Variants in GCLC observed in about 807,000 individuals in gnomAD.
The protein encoded by GCLC is glutamate-cysteine ligase catalytic subunit.
GCLC carries 30 observed loss-of-function variants against 81.5 expected under a neutral mutation model. The observed-to-expected ratio is 0.37, with a 90% CI of 0.28 to 0.50. The LOEUF (loss-of-function observed/expected upper bound fraction) is 0.50, where lower values mean the gene tolerates loss of function less well. Ranked by LOEUF, GCLC falls within the 20% of genes least tolerant of loss-of-function variation. The probability of loss-of-function intolerance (pLI) is 0.96; values close to 1 mark genes in which losing one functional copy is unlikely to be tolerated. For missense variants in GCLC, 556 were observed against 777.4 expected (o/e 0.72, Z 3.39); for synonymous variants, 262 against 273.3 (o/e 0.96, Z 0.41).
chr6:53,535,096 C>A (rs115533086), intron 1 of GCLC, among the ~76,000 whole-genome samples: 1 of 152,282 alleles, frequency 6.6e-6, no homozygotes, highest in African/African-American at 2.4e-5. Context: ...AAAGAGTATG[C>A]CATTAGCCAG....
intron 1 of GCLC, chr6:53,522,761 T>C: frequency 2.3e-6 from 1 of 432,404 alleles, no homozygotes; most frequent in Non-Finnish European, 4.3e-6. Context: ...TCCTACTTAA[T>C]ATCCTATGGA....
chr6:53,525,749 C>G (rs1471066273), intron 1 of GCLC, among the ~76,000 whole-genome samples: 1 of 152,108 alleles, frequency 6.6e-6, no homozygotes, highest in Non-Finnish European at 1.5e-5. Context: ...TAAACTTGTG[C>G]AATTAACATA....
intron 2 of GCLC, 86 bp downstream of exon 2, chr6:53,522,329 T>C: frequency 3.6e-6 from 3 of 823,834 alleles, no homozygotes; most frequent in Admixed American, 3.5e-5. Context: ...TGTTAGGCTA[T>C]CCTGCCTCCA....
intron 1 of GCLC, among the ~76,000 whole-genome samples, chr6:53,526,810 A>AC (rs112281417): frequency 3.3e-5 from 5 of 150,504 alleles, no homozygotes; most frequent in African/African-American, 1.2e-4. Context: ...AAAAAAAAAA[A>AC]AAAAAAACAA....
intron 1 of GCLC, among the ~76,000 whole-genome samples, chr6:53,541,024 G>A (rs1763344831): frequency 6.6e-6 from 1 of 152,158 alleles, no homozygotes; most frequent in Non-Finnish European, 1.5e-5. Flanking sequence ...AGACCAGCCT[G>A]GCCAACATGG....
At chr6:53,518,742 A>C (rs552774427) in intron 3 of GCLC, among the ~76,000 whole-genome samples, 81 of 152,256 alleles carry the variant, frequency 5.3e-4, no homozygotes, top group African/African-American at 1.9e-3. Context: ...CCACTTTCTT[A>C]ATTTGCTAAG....
chr6:53,517,989 C>T (rs1370518458), intron 3 of GCLC, among the ~76,000 whole-genome samples: 2 of 152,172 alleles, frequency 1.3e-5, no homozygotes, highest in African/African-American at 4.8e-5. Flanking sequence ...CCTGTTTACA[C>T]TTAAGAACCA....
chr6:53,515,805 A>G (rs1764859850), intron 4 of GCLC, among the ~76,000 whole-genome samples: 1 of 152,130 alleles, frequency 6.6e-6, no homozygotes, highest in East Asian at 1.9e-4. Context: ...CCCAGTAGGC[A>G]TTTACAGACC....
Position 53,497,502 on chromosome 6 carries a change from G to C in GCLC, c.*1254C>G, listed in dbSNP as rs1764392813. On this transcript the variant is annotated 3_prime_UTR_variant, in exon 16 of 16. Transcript: ENST00000650454. ...TGTATAAAATATAGAACAAACCCTA[G>C]TATTTAAACATAAACAGGGTTAGCT... 6.6e-6 allele frequency: 1 copy of C among 152,304 alleles called. No homozygotes were observed. Among genetic ancestry groups the C allele is most frequent in the Non-Finnish European group, 1.5e-5 (1 of 68,004 alleles). The allele number at this position is 152,304 out of a possible 1,614,324, so 9.4% of individuals were successfully genotyped here. A position where few individuals can be genotyped will look rare whatever the true frequency, so the allele number is the denominator to read the frequency against.
At chr6:53,527,958 G>T (rs1039846984) in intron 1 of GCLC, among the ~76,000 whole-genome samples, 3 of 152,146 alleles carry the variant, frequency 2.0e-5, no homozygotes, top group African/African-American at 7.2e-5. Context: ...TCACCCTCTA[G>T]GTTATAAACT....
intron 1 of GCLC, among the ~76,000 whole-genome samples, chr6:53,541,246 G>C (rs1763349179): frequency 6.6e-6 from 1 of 152,064 alleles, no homozygotes; most frequent in Admixed American, 6.5e-5. Flanking sequence ...ATGTAGAGAG[G>C]TACCACAATG....
rs374034368 is a variant in GCLC at position 53,507,464 on chromosome 6, T to C, written c.1084+16A>G. ...AGGCGTACATTCAAACCCAGAAAGATGGAGTAGAAACCCACCTTCCTGCAA... is the reference window on the plus strand; with the variant it reads ...AGGCGTACATTCAAACCCAGAAAGACGGAGTAGAAACCCACCTTCCTGCAA... On this transcript the variant is annotated intron_variant, in intron 9 of 15. Transcript: ENST00000650454. 1 of 1,612,474 alleles carries C rather than the reference T, an allele frequency of 6.2e-7. No homozygotes were observed. The highest frequency in any genetic ancestry group is 1.3e-5 in the African/African-American group (1 of 74,910).
chr6:53,525,452 A>C (rs1763064059), intron 1 of GCLC, among the ~76,000 whole-genome samples: 1 of 152,220 alleles, frequency 6.6e-6, no homozygotes, highest in Admixed American at 6.5e-5. Flanking sequence ...GCCCCAATAA[A>C]TTATTTTATG....
At chr6:53,520,372 G>A (rs1016221523) in intron 3 of GCLC, among the ~76,000 whole-genome samples, 1 of 152,226 alleles carries the variant, frequency 6.6e-6, no homozygotes, top group African/African-American at 2.4e-5. Context: ...GCTGCTTTTT[G>A]AAAGTGCATG....
intron 3 of GCLC, among the ~76,000 whole-genome samples, chr6:53,519,396 C>G (rs1431277368): frequency 1.3e-5 from 2 of 152,096 alleles, no homozygotes; most frequent in African/African-American, 4.8e-5. Context: ...TTTCACTCCT[C>G]CTGGAACCTT....
In GCLC at chr6:53,544,764, T is replaced by C. The variant is rs1763421374; in HGVS notation, c.-119A>G. Reference sequence around the variant, plus strand: ...CTGCCGCTCCACCCCGCGGGGGCGCTCTCGGGCCGCAGTCGGCGGAGGGAG... The same window carrying C: ...CTGCCGCTCCACCCCGCGGGGGCGCCCTCGGGCCGCAGTCGGCGGAGGGAG... On this transcript the variant is annotated 5_prime_UTR_variant, in exon 1 of 16. Transcript: ENST00000650454. 1 of 1,011,334 alleles carries C rather than the reference T, an allele frequency of 9.9e-7. No homozygotes were observed. The highest frequency in any genetic ancestry group is 1.4e-6 in the Non-Finnish European group (1 of 726,324). The allele number at this position is 1,011,334 out of a possible 1,614,324, so 62.6% of individuals were successfully genotyped here. A position where few individuals can be genotyped will look rare whatever the true frequency, so the allele number is the denominator to read the frequency against.
intron 1 of GCLC, among the ~76,000 whole-genome samples, chr6:53,532,938 CATCA>C (rs1387667103): frequency 6.6e-6 from 1 of 152,170 alleles, no homozygotes; most frequent in Non-Finnish European, 1.5e-5. Flanking sequence ...AGAGATCATC[CATCA>C]GAGTAGAACC....
In GCLC at chr6:53,544,825, T is replaced by A. The variant is rs535139778; in HGVS notation, c.-180A>T. On this transcript the variant is annotated 5_prime_UTR_variant, in exon 1 of 16. Coordinates refer to ENST00000650454, the MANE Select transcript of GCLC (RefSeq NM_001498.4). The stretch of plus-strand genomic sequence containing the variant: ...GCTCCGGCTCCCCGGCGGCGGCCCC[T>A]GGCGCCCAGGTGACAGACCCTGGGT... The A allele has an allele frequency of 2.0e-6, 1 of 508,390 alleles. No individual in the cohort carries two copies. The highest frequency in any genetic ancestry group is 3.8e-5 in the East Asian group (1 of 26,494). 31.5% of individuals were successfully genotyped at this position (508,390 alleles called of 1,614,324 possible).
intron 1 of GCLC, among the ~76,000 whole-genome samples, chr6:53,535,217 T>C (rs892463241): frequency 5.3e-5 from 8 of 152,102 alleles, no homozygotes; most frequent in African/African-American, 1.7e-4. Context: ...ACCTCATCTC[T>C]TAAAAATAAA....
Sources: gnomAD v4.1 joint callset for allele counts (sites outside exome capture counted in the v4.1 genomes callset) on GRCh38, gnomAD v4.1.1 for gene constraint, MANE v1.5 for transcripts, NCBI Gene and HGNC (gene_info 2026-07-23, HGNC 2026-07-21) for gene names.